Variants in WWOX observed in about 807,000 individuals in gnomAD.
WWOX encodes the protein WW domain containing oxidoreductase.
Under a neutral mutation model 46.2 loss-of-function variants are expected in WWOX, and 69 were observed. That is an observed-to-expected ratio of 1.49 (90% confidence interval 1.23 to 1.82). The LOEUF (loss-of-function observed/expected upper bound fraction) is 1.82, where lower values mean the gene tolerates loss of function less well. Among genes scored for constraint, WWOX ranks in the 40% most tolerant of loss-of-function variants. WWOX has a pLI of 0.00. For synonymous variants in WWOX, 359 were observed against 202.6 expected (o/e 1.77, Z -6.56); for missense variants, 919 against 542.6 (o/e 1.69, Z -6.89).
intron 5 of WWOX, among the ~76,000 whole-genome samples, chr16:78,294,237 T>C (rs968964141): frequency 6.6e-6 from 1 of 152,106 alleles, no homozygotes; most frequent in African/African-American, 2.4e-5. Context: ...ACCTGTCCAG[T>C]TGATTCTTCT....
intron 8 of WWOX, among the ~76,000 whole-genome samples, chr16:78,466,944 CAGTAA>C (rs143093063): frequency 0.25 from 38,460 of 151,862 alleles, 5,534 homozygotes; most frequent in African/African-American, 0.4. Context: ...ATGTAATGCC[CAGTAA>C]AGTAAACAGA....
chr16:78,295,048 G>T (rs1885420445), intron 5 of WWOX, among the ~76,000 whole-genome samples: 1 of 152,150 alleles, frequency 6.6e-6, no homozygotes, highest in African/African-American at 2.4e-5. Flanking sequence ...GCTCACCCTG[G>T]CCTGTGTCCT....
intron 1 of WWOX, among the ~76,000 whole-genome samples, chr16:78,107,293 A>G (rs1209788443): frequency 6.6e-6 from 1 of 152,176 alleles, no homozygotes; most frequent in Non-Finnish European, 1.5e-5. Context: ...ACGTGTTTCT[A>G]GTTATTGACC....
At chr16:78,911,041 C>G (rs1378874693) in intron 8 of WWOX, among the ~76,000 whole-genome samples, 1 of 151,868 alleles carries the variant, frequency 6.6e-6, no homozygotes, top group Non-Finnish European at 1.5e-5. Flanking sequence ...ATGGCTTTCC[C>G]ACAGCCTGTC....
intron 8 of WWOX, among the ~76,000 whole-genome samples, chr16:78,924,949 C>T (rs983492622): frequency 6.6e-6 from 1 of 152,162 alleles, no homozygotes; most frequent in Non-Finnish European, 1.5e-5. Flanking sequence ...AATTCCAGCA[C>T]TTTGGGGGGC....
At chr16:78,820,002 A>G (rs1272905863) in intron 8 of WWOX, among the ~76,000 whole-genome samples, 3 of 152,174 alleles carry the variant, frequency 2.0e-5, no homozygotes, top group Non-Finnish European at 2.9e-5. Flanking sequence ...TGGGGATGGT[A>G]ATGTGGTGAT....
At chr16:78,435,657 G>A (rs1364156370) in intron 8 of WWOX, among the ~76,000 whole-genome samples, 1 of 152,132 alleles carries the variant, frequency 6.6e-6, no homozygotes, top group Non-Finnish European at 1.5e-5. Flanking sequence ...GTTGAGATGG[G>A]ATTTGACATG....
At chr16:79,016,009 A>G (rs1021311764) in intron 8 of WWOX, 2 of 152,234 alleles carry the variant, frequency 1.3e-5, no homozygotes, top group African/African-American at 4.8e-5. Flanking sequence ...TCAGCCTCCC[A>G]GAGCGCTGGG....
intron 5 of WWOX, among the ~76,000 whole-genome samples, chr16:78,242,835 C>G (rs2037699256): frequency 6.6e-6 from 1 of 152,120 alleles, no homozygotes; most frequent in Non-Finnish European, 1.5e-5. Context: ...TGGTGAAACC[C>G]TATCTCTACT....
intron 8 of WWOX, among the ~76,000 whole-genome samples, chr16:78,762,585 C>G (rs1184141194): frequency 1.3e-5 from 2 of 152,208 alleles, no homozygotes. Context: ...TGACACAGTA[C>G]TAACAGTGGG....
At chr16:78,617,898 T>C (rs1473471254) in intron 8 of WWOX, among the ~76,000 whole-genome samples, 1 of 152,250 alleles carries the variant, frequency 6.6e-6, no homozygotes, top group African/African-American at 2.4e-5. Context: ...CTAGCATCTT[T>C]TCATGTGCAC....
At chr16:78,649,910 G>A (rs192818796) in intron 8 of WWOX, among the ~76,000 whole-genome samples, 14 of 152,266 alleles carry the variant, frequency 9.2e-5, no homozygotes, top group Admixed American at 6.5e-4. Context: ...CCAAATCTGT[G>A]TCTGTGTTTG....
At chr16:78,971,420 T>C (rs2046466205) in intron 8 of WWOX, among the ~76,000 whole-genome samples, 1 of 126,448 alleles carries the variant, frequency 7.9e-6, no homozygotes. Flanking sequence ...ACGCCACTGC[T>C]CTCCAGTCTG....
At chr16:78,212,171 G>T (rs80235848) in intron 5 of WWOX, among the ~76,000 whole-genome samples, 8,936 of 152,212 alleles carry the variant, frequency 0.059, 354 homozygotes, top group Middle Eastern at 0.11. Flanking sequence ...AGAGCTGCTG[G>T]GAGCATTTCA....
At chr16:78,994,354 G>C (rs2046946369) in intron 8 of WWOX, 1 of 152,140 alleles carries the variant, frequency 6.6e-6, no homozygotes, top group Non-Finnish European at 1.5e-5. Context: ...GACGTAATGT[G>C]CTTTAAAGAA....
intron 8 of WWOX, among the ~76,000 whole-genome samples, chr16:78,533,104 A>C (rs945822237): frequency 6.6e-6 from 1 of 152,142 alleles, no homozygotes; most frequent in African/African-American, 2.4e-5. Flanking sequence ...TTCCATCCTC[A>C]GAACTCCTCC....
chr16:79,209,837 T>G (rs2051656209), intron 8 of WWOX, among the ~76,000 whole-genome samples: 1 of 152,172 alleles, frequency 6.6e-6, no homozygotes, highest in South Asian at 2.1e-4. Flanking sequence ...ATGTGCCAGG[T>G]GCTAAGCTCA....
intron 8 of WWOX, among the ~76,000 whole-genome samples, chr16:78,468,457 T>C (rs16947611): frequency 6.6e-6 from 1 of 152,040 alleles, no homozygotes. Context: ...AGTTTGCAGA[T>C]TCATCCTTTT....
At chr16:78,969,379 C>T (rs1487197981) in intron 8 of WWOX, among the ~76,000 whole-genome samples, 1 of 151,914 alleles carries the variant, frequency 6.6e-6, no homozygotes, top group Non-Finnish European at 1.5e-5. Flanking sequence ...AAGGGATTCT[C>T]GTGCCTCAGC....
Sources: allele counts gnomAD v4.1 joint callset (sites outside exome capture counted in the v4.1 genomes callset), GRCh38; gene constraint gnomAD v4.1.1; transcripts MANE v1.5; gene names NCBI Gene and HGNC (gene_info 2026-07-23, HGNC 2026-07-21).